Variants in ARHGAP15 observed in about 807,000 individuals in gnomAD.
ARHGAP15 encodes rho GTPase-activating protein 15.
Under a neutral mutation model 63.7 loss-of-function variants are expected in ARHGAP15, and 51 were observed. The ratio of observed to expected loss-of-function variants is 0.80; its 90% CI spans 0.64 to 1.01. The LOEUF is 1.01. Ranked by LOEUF, ARHGAP15 falls within the 50% of genes least tolerant of loss-of-function variation. The pLI, the probability that ARHGAP15 is intolerant of heterozygous loss-of-function variation, is 0.00. For missense variants in ARHGAP15, 560 were observed against 564.6 expected (o/e 0.99, Z 0.08); for synonymous variants, 191 against 193.8 (o/e 0.99, Z 0.12).
Position 143,729,038 on chromosome 2 carries a change from A to T in ARHGAP15, c.1244+25514A>T, listed in dbSNP as rs77425617. On this transcript the variant is annotated intron_variant, in intron 13 of 13. Coordinates refer to ENST00000295095, the MANE Select transcript of ARHGAP15 (RefSeq NM_018460.4). ...AGTTTCCTCCGCGATGTACCAGTAA[A>T]AAGTCTGAAGGTGGACGTTTTTGCA... is the stretch of plus-strand genomic sequence containing the variant. 1.2e-4 allele frequency among the ~76,000 whole-genome samples: 19 copies of T among 152,360 alleles called. No homozygotes were observed. In the East Asian group the frequency reaches 3.3e-3, roughly 26 times the overall value.
chr2:143,468,552 A>C (rs141333543), intron 8 of ARHGAP15, among the ~76,000 whole-genome samples: 322 of 152,056 alleles, frequency 2.1e-3, no homozygotes, highest in African/African-American at 7.6e-3. Context: ...GCCATAAAGG[A>C]TTGTTTGCCC....
intron 5 of ARHGAP15, among the ~76,000 whole-genome samples, chr2:143,232,759 C>A (rs1217101984): frequency 6.6e-6 from 1 of 152,122 alleles, no homozygotes; most frequent in Admixed American, 6.5e-5. Context: ...TATTTTCAAA[C>A]CTATAGCTAT....
intron 11 of ARHGAP15, among the ~76,000 whole-genome samples, chr2:143,612,462 A>C (rs1473501333): frequency 6.6e-6 from 1 of 152,206 alleles, no homozygotes; most frequent in Non-Finnish European, 1.5e-5. Flanking sequence ...GTTCTGGGAC[A>C]TCCTTCCTCA....
At chr2:143,130,463 G>C (rs1309370153) in intron 1 of ARHGAP15, among the ~76,000 whole-genome samples, 2 of 152,036 alleles carry the variant, frequency 1.3e-5, no homozygotes, top group Non-Finnish European at 2.9e-5. Flanking sequence ...TTGTGCTGCT[G>C]GATGGGAGAA....
chr2:143,157,661 T>C (rs1407619921), intron 2 of ARHGAP15, among the ~76,000 whole-genome samples: 1 of 151,648 alleles, frequency 6.6e-6, no homozygotes, highest in African/African-American at 2.4e-5. Flanking sequence ...GGCTCAGAGA[T>C]ACTGTATTGA....
chr2:143,227,721 T>C (rs932932645), intron 4 of ARHGAP15, among the ~76,000 whole-genome samples: 2 of 152,190 alleles, frequency 1.3e-5, no homozygotes, highest in African/African-American at 4.8e-5. Flanking sequence ...TATGGACCTA[T>C]TATATGCAAT....
intron 13 of ARHGAP15, among the ~76,000 whole-genome samples, chr2:143,713,712 CA>C (rs1684685517): frequency 6.6e-6 from 1 of 152,064 alleles, no homozygotes; most frequent in Non-Finnish European, 1.5e-5. Flanking sequence ...AGAAATCAGC[CA>C]AAACAAAGGG....
chr2:143,570,456 T>C (rs1230788675), intron 11 of ARHGAP15, among the ~76,000 whole-genome samples: 1 of 152,248 alleles, frequency 6.6e-6, no homozygotes, highest in Non-Finnish European at 1.5e-5. Flanking sequence ...GCAGAGTTCA[T>C]ATCTTTTAAA....
intron 11 of ARHGAP15, among the ~76,000 whole-genome samples, chr2:143,567,621 G>T (rs1159548856): frequency 6.6e-6 from 1 of 152,186 alleles, no homozygotes; most frequent in Admixed American, 6.5e-5. Flanking sequence ...AGCCCTGCCA[G>T]CCTTGTCCTT....
intron 13 of ARHGAP15, among the ~76,000 whole-genome samples, chr2:143,766,222 T>TG (rs1314231196): frequency 2.0e-5 from 3 of 152,202 alleles, no homozygotes; most frequent in African/African-American, 7.2e-5. Context: ...AACCATAGTC[T>TG]GAAAGTATGA....
At chr2:143,445,924 T>C (rs191511949) in intron 8 of ARHGAP15, among the ~76,000 whole-genome samples, 55 of 152,092 alleles carry the variant, frequency 3.6e-4, no homozygotes, top group Admixed American at 1.6e-3. Flanking sequence ...AGAATACTTT[T>C]CTCTAGTGTC....
chr2:143,437,092 C>T, intron 8 of ARHGAP15, 50 bp downstream of exon 8: 1 of 1,543,654 alleles, frequency 6.5e-7, no homozygotes, highest in East Asian at 2.3e-5. Context: ...AAATGCAGTG[C>T]TTATGAAATA....
chr2:143,269,992 AAC>A (rs1681191484), intron 6 of ARHGAP15, among the ~76,000 whole-genome samples: 1 of 152,130 alleles, frequency 6.6e-6, no homozygotes, highest in Non-Finnish European at 1.5e-5. Flanking sequence ...GTTTTTTAAA[AAC>A]AGAGTCTCGC....
At chr2:143,658,401 A>C (rs1443549345) in intron 12 of ARHGAP15, among the ~76,000 whole-genome samples, 1 of 152,236 alleles carries the variant, frequency 6.6e-6, no homozygotes, top group Non-Finnish European at 1.5e-5. Flanking sequence ...CTCAGAATTA[A>C]ACTTTCCTAA....
chr2:143,758,408 T>G (rs1235941960), intron 13 of ARHGAP15, among the ~76,000 whole-genome samples: 1 of 151,934 alleles, frequency 6.6e-6, no homozygotes, highest in Non-Finnish European at 1.5e-5. Flanking sequence ...GGTTTTTACT[T>G]TTTACTTTTC....
At chr2:143,280,364 G>A (rs961313477) in intron 6 of ARHGAP15, among the ~76,000 whole-genome samples, 2 of 152,054 alleles carry the variant, frequency 1.3e-5, no homozygotes, top group Admixed American at 6.6e-5. Flanking sequence ...TACCTTGCCG[G>A]AGGATAGAGT....
intron 13 of ARHGAP15, chr2:143,706,373 G>A (rs1422452017): frequency 6.6e-6 from 1 of 152,144 alleles, no homozygotes; most frequent in African/African-American, 2.4e-5. Context: ...CTTGTATGTA[G>A]TGTTTATTCC....
chr2:143,581,391 C>T (rs1003825662), intron 11 of ARHGAP15, among the ~76,000 whole-genome samples: 1 of 152,018 alleles, frequency 6.6e-6, no homozygotes, highest in Non-Finnish European at 1.5e-5. Flanking sequence ...AGCCCCATAG[C>T]CCCACAGCCC....
intron 8 of ARHGAP15, among the ~76,000 whole-genome samples, chr2:143,443,394 A>C (rs1335531673): frequency 6.6e-6 from 1 of 150,514 alleles, no homozygotes; most frequent in Non-Finnish European, 1.5e-5. Flanking sequence ...TATCAAGAGG[A>C]CAAAGTTTTC....
Sources: allele counts gnomAD v4.1 joint callset (sites outside exome capture counted in the v4.1 genomes callset), GRCh38; gene constraint gnomAD v4.1.1; transcripts MANE v1.5; gene names NCBI Gene and HGNC (gene_info 2026-07-23, HGNC 2026-07-21).